ANKS1B: variants seen among roughly 807,000 people sequenced by gnomAD.
The protein encoded by ANKS1B is ankyrin repeat and sterile alpha motif domain-containing protein 1B.
Under a neutral mutation model 148.3 loss-of-function variants are expected in ANKS1B, and 36 were observed. The ratio of observed to expected loss-of-function variants is 0.24; its 90% CI spans 0.19 to 0.32. The LOEUF is 0.32. Among genes scored for constraint, ANKS1B ranks in the 10% least tolerant of loss-of-function variants. The probability of loss-of-function intolerance (pLI) is 1.00; values close to 1 mark genes in which losing one functional copy is unlikely to be tolerated. For missense variants in ANKS1B, 1,157 were observed against 1,542.6 expected, an observed-to-expected ratio of 0.75 and a Z score of 4.19; for synonymous variants, 542 against 560.8, an observed-to-expected ratio of 0.97 and a Z score of 0.47.
intron 12 of ANKS1B, among the ~76,000 whole-genome samples, chr12:99,248,292 G>T (rs1037289924): frequency 5.3e-5 from 8 of 152,138 alleles, no homozygotes; most frequent in Non-Finnish European, 1.2e-4. Context: ...GGTGAAAGCA[G>T]GTATATTCCT....
intron 1 of ANKS1B, among the ~76,000 whole-genome samples, chr12:99,875,699 T>C (rs1338846918): frequency 1.3e-5 from 2 of 152,334 alleles, no homozygotes; most frequent in South Asian, 2.1e-4. Context: ...CTGAAATGTC[T>C]GGAAGAACAA....
intron 12 of ANKS1B, among the ~76,000 whole-genome samples, chr12:99,288,749 T>TA (rs2079496250): frequency 6.6e-6 from 1 of 151,866 alleles, no homozygotes; most frequent in Non-Finnish European, 1.5e-5. Flanking sequence ...CCTCAAATCA[T>TA]AAAAAACCCT....
At chr12:99,677,497 GA>G (rs1223216283) in intron 8 of ANKS1B, among the ~76,000 whole-genome samples, 1 of 152,102 alleles carries the variant, frequency 6.6e-6, no homozygotes, top group African/African-American at 2.4e-5. Context: ...ATGCTTTTCA[GA>G]AAATATCTTG....
At chr12:99,693,628 T>C (rs1379748481) in intron 8 of ANKS1B, among the ~76,000 whole-genome samples, 1 of 152,186 alleles carries the variant, frequency 6.6e-6, no homozygotes, top group Non-Finnish European at 1.5e-5. Flanking sequence ...GCCAAAACTT[T>C]AGCCAGTTCA....
intron 26 of ANKS1B, among the ~76,000 whole-genome samples, chr12:98,749,297 C>T (rs970719818): frequency 4.0e-5 from 6 of 151,038 alleles, no homozygotes; most frequent in Admixed American, 2.6e-4. Context: ...TTAGTAGAGA[C>T]GGGGTTTCAC....
intron 12 of ANKS1B, among the ~76,000 whole-genome samples, chr12:99,365,336 C>T (rs1052810538): frequency 3.3e-5 from 5 of 152,150 alleles, no homozygotes; most frequent in African/African-American, 1.2e-4. Flanking sequence ...CACCCAAGTA[C>T]ATATATCAGC....
intron 17 of ANKS1B, among the ~76,000 whole-genome samples, chr12:98,865,921 G>A (rs191284543): frequency 2.9e-4 from 44 of 152,226 alleles, no homozygotes; most frequent in Admixed American, 2.9e-3. Flanking sequence ...TCAAGATGCT[G>A]GCAGATTCGG....
chr12:99,614,412 G>T (rs2153353720), intron 9 of ANKS1B, among the ~76,000 whole-genome samples: 1 of 142,508 alleles, frequency 7.0e-6, no homozygotes, highest in African/African-American at 2.5e-5. Context: ...TCCAGCCTGG[G>T]TGACAGAGTG....
At chr12:98,990,467 T>A (rs2099925930) in intron 17 of ANKS1B, among the ~76,000 whole-genome samples, 2 of 139,340 alleles carry the variant, frequency 1.4e-5, no homozygotes. Context: ...AACAGAAAAA[T>A]AAATAACCTG....
intron 1 of ANKS1B, among the ~76,000 whole-genome samples, chr12:99,880,536 G>A (rs1293366667): frequency 6.6e-6 from 1 of 152,232 alleles, no homozygotes; most frequent in Non-Finnish European, 1.5e-5. Flanking sequence ...ATTTCAAAAC[G>A]ACACTGCAAA....
chr12:99,751,591 C>G (rs1385930564), intron 8 of ANKS1B, among the ~76,000 whole-genome samples: 1 of 152,016 alleles, frequency 6.6e-6, no homozygotes, highest in Non-Finnish European at 1.5e-5. Context: ...ATCCACCCAC[C>G]CATTCATTCT....
intron 8 of ANKS1B, among the ~76,000 whole-genome samples, chr12:99,750,137 T>C (rs1230837144): frequency 6.6e-6 from 1 of 152,086 alleles, no homozygotes; most frequent in African/African-American, 2.4e-5. Context: ...TTTATTTCTT[T>C]AAATATGTAA....
chr12:98,760,081 A>G (rs2098368600), intron 25 of ANKS1B, among the ~76,000 whole-genome samples: 1 of 152,262 alleles, frequency 6.6e-6, no homozygotes, highest in Admixed American at 6.5e-5. Flanking sequence ...ATATGCATAG[A>G]AAATAGCAAT....
rs1292255664 is a variant in ANKS1B at position 99,359,848 on chromosome 12, A to T, written c.1756+39783T>A. On this transcript the variant is annotated intron_variant, in intron 12 of 26. Coordinates refer to ENST00000683438, the MANE Select transcript of ANKS1B (RefSeq NM_001352186.2). Reference sequence around the variant, plus strand: ...TTAATTATTTCTGTTTATTTTATATATCCTGATAGTAATATAAATACCAAT... The same window carrying T: ...TTAATTATTTCTGTTTATTTTATATTTCCTGATAGTAATATAAATACCAAT... 6.9e-4 allele frequency among the ~76,000 whole-genome samples: 105 copies of T among 152,276 alleles called. 2 individuals carry two copies. The South Asian group carries it at 0.021, about 30-fold the overall frequency.
intron 9 of ANKS1B, among the ~76,000 whole-genome samples, chr12:99,572,979 T>C (rs1253739807): frequency 3.9e-5 from 6 of 152,114 alleles, no homozygotes; most frequent in African/African-American, 1.4e-4. Flanking sequence ...TATTCATTAT[T>C]ATCATCTCCA....
At chr12:99,155,082 A>G in intron 14 of ANKS1B, 5 of 1,533,306 alleles carry the variant, frequency 3.3e-6, no homozygotes, top group Non-Finnish European at 4.4e-6. Context: ...CATACTGGTT[A>G]TACGTTACAG....
intron 12 of ANKS1B, among the ~76,000 whole-genome samples, chr12:99,350,589 G>A (rs932678729): frequency 6.6e-6 from 1 of 151,954 alleles, no homozygotes; most frequent in East Asian, 1.9e-4. Context: ...GCTAAAAAGT[G>A]GAAAACCATG....
intron 12 of ANKS1B, among the ~76,000 whole-genome samples, chr12:99,380,804 T>TTCCTTCCTTCCTTCCTTC (rs1566991383): frequency 6.9e-5 from 7 of 100,744 alleles, no homozygotes; most frequent in African/African-American, 3.2e-4. Context: ...TTCCTTCCTT[T>TTCCTTCCTTCCTTCCTTC]CTCATGCTCC....
chr12:99,224,965 C>G (rs974786906), intron 14 of ANKS1B, among the ~76,000 whole-genome samples: 4 of 152,020 alleles, frequency 2.6e-5, no homozygotes, highest in African/African-American at 9.7e-5. Flanking sequence ...GTAATTGATA[C>G]ACAGAACAGG....
Sources: gnomAD v4.1 joint callset for allele counts (sites outside exome capture counted in the v4.1 genomes callset) on GRCh38, gnomAD v4.1.1 for gene constraint, MANE v1.5 for transcripts, NCBI Gene and HGNC (gene_info 2026-07-23, HGNC 2026-07-21) for gene names.